The following CEP112 variants were observed in gnomAD, a reference collection of about 807,000 sequenced individuals.
The protein encoded by CEP112 is centrosomal protein 112.
A neutral mutation model predicts 153.0 loss-of-function variants in CEP112; 127 were observed. The observed-to-expected ratio is 0.83, with a 90% CI of 0.72 to 0.96. The LOEUF is 0.96. CEP112 is among the 40% of genes least tolerant of loss of function. The pLI is 0.00. For missense variants in CEP112, 1,089 were observed against 1,101.2 expected (o/e 0.99, Z 0.16); for synonymous variants, 358 against 374.4 (o/e 0.96, Z 0.51).
At chr17:66,109,846 G>A (rs996513876) in intron 6 of CEP112, among the ~76,000 whole-genome samples, 1 of 152,110 alleles carries the variant, frequency 6.6e-6, no homozygotes, top group African/African-American at 2.4e-5. Context: ...TCAAGGTGGG[G>A]CAATTGGCAA....
intron 21 of CEP112, among the ~76,000 whole-genome samples, chr17:65,788,716 A>G (rs2054419931): frequency 6.6e-6 from 1 of 152,150 alleles, no homozygotes; most frequent in African/African-American, 2.4e-5. Flanking sequence ...CTCAATCAGC[A>G]GTCATTTTTC....
intron 17 of CEP112, among the ~76,000 whole-genome samples, chr17:65,988,183 C>A (rs2063472352): frequency 6.6e-6 from 1 of 152,134 alleles, no homozygotes; most frequent in Non-Finnish European, 1.5e-5. Flanking sequence ...TAGAACCAAG[C>A]AAAACCTGGG....
At chr17:66,097,440 C>A (rs2068394630) in intron 6 of CEP112, among the ~76,000 whole-genome samples, 1 of 152,118 alleles carries the variant, frequency 6.6e-6, no homozygotes, top group African/African-American at 2.4e-5. Flanking sequence ...ACCATGACTG[C>A]CCTGTTCACC....
intron 24 of CEP112, among the ~76,000 whole-genome samples, chr17:65,641,725 GAC>G (rs1198103413): frequency 1.3e-5 from 2 of 152,146 alleles, no homozygotes; most frequent in East Asian, 3.9e-4. Context: ...CAGTCTGGGT[GAC>G]AGAGTAAGAC....
intron 19 of CEP112, among the ~76,000 whole-genome samples, chr17:65,905,591 A>G (rs1158353731): frequency 6.6e-6 from 1 of 152,206 alleles, no homozygotes; most frequent in African/African-American, 2.4e-5. Flanking sequence ...CCACAATCCC[A>G]TTACTGGGTA....
chr17:66,058,155 T>C (rs2066776976), intron 11 of CEP112, among the ~76,000 whole-genome samples: 1 of 114,554 alleles, frequency 8.7e-6, no homozygotes, highest in Non-Finnish European at 1.9e-5. Flanking sequence ...ATTGTATAAC[T>C]AGAAAAAAAA....
intron 18 of CEP112, among the ~76,000 whole-genome samples, chr17:65,937,566 T>G (rs1319882871): frequency 3.1e-4 from 14 of 45,060 alleles, no homozygotes; most frequent in Non-Finnish European, 3.2e-4. Context: ...GGGAGGGAGG[T>G]GGGGGGGGTC....
At chr17:66,031,553 G>A (rs576800726) in intron 12 of CEP112, among the ~76,000 whole-genome samples, 3 of 148,206 alleles carry the variant, frequency 2.0e-5, no homozygotes, top group Non-Finnish European at 4.4e-5. Flanking sequence ...CAACCTCCCA[G>A]GCTCAGGTGA....
At chr17:66,050,822 CTAG>C (rs1393462918) in intron 12 of CEP112, among the ~76,000 whole-genome samples, 2 of 152,084 alleles carry the variant, frequency 1.3e-5, no homozygotes, top group Non-Finnish European at 2.9e-5. Flanking sequence ...CTTGAGCCTG[CTAG>C]ATCAATTTCA....
chr17:65,638,947 C>CATT (rs1325916364), intron 25 of CEP112, among the ~76,000 whole-genome samples: 2 of 152,076 alleles, frequency 1.3e-5, no homozygotes, highest in Non-Finnish European at 2.9e-5. Flanking sequence ...TCAGGTCCTA[C>CATT]ATAGCTGACA....
chr17:66,183,379 A>T lies in CEP112; in HGVS notation c.-8-72T>A, dbSNP rs1227650287. ...ACTACAAAACTCTGATGAGAAAGAT[A>T]AAAAAAACTCTTAAGTGTTAGATAT... is the stretch of plus-strand genomic sequence containing the variant. On this transcript the variant is annotated intron_variant, in intron 1 of 26. Coordinates refer to ENST00000535342, the MANE Select transcript of CEP112 (RefSeq NM_001199165.4). 5 of 1,058,050 alleles carry T rather than the reference A, an allele frequency of 4.7e-6. No homozygotes were observed. In the East Asian group the frequency reaches 1.0e-4, roughly 21 times the overall value. The allele number at this position is 1,058,050 out of a possible 1,614,324, so 65.5% of individuals were successfully genotyped here. A position where few individuals can be genotyped will look rare whatever the true frequency, so the allele number is the denominator to read the frequency against.
intron 4 of CEP112, among the ~76,000 whole-genome samples, chr17:66,162,638 GT>G (rs2071761673): frequency 6.6e-6 from 1 of 152,172 alleles, no homozygotes; most frequent in Non-Finnish European, 1.5e-5. Flanking sequence ...ACAACATAAT[GT>G]TGAGCAAAAG....
rs1042822773 is a variant in CEP112 at position 65,921,020 on chromosome 17, CT to C, written c.1980+6561del. 1.3e-3 allele frequency among the ~76,000 whole-genome samples: 196 copies of C among 147,512 alleles called. 1 individual carries two copies. The highest frequency in any genetic ancestry group is 3.8e-3 in the African/African-American group (153 of 40,434). On this transcript the variant is annotated intron_variant, in intron 19 of 26. Coordinates refer to ENST00000535342, the MANE Select transcript of CEP112 (RefSeq NM_001199165.4). ...ACTCTAAGCATTGGGAAACTTTAAA[CT>C]TTTTTTTTTTAATCCCTTATCATCC...
At chr17:66,056,468 A>C (rs1490007742) in intron 11 of CEP112, among the ~76,000 whole-genome samples, 1 of 152,218 alleles carries the variant, frequency 6.6e-6, no homozygotes, top group African/African-American at 2.4e-5. Context: ...GATATCCAAA[A>C]AGTGGAGTCA....
chr17:65,759,569 G>A (rs1734235515), intron 21 of CEP112, among the ~76,000 whole-genome samples: 1 of 152,040 alleles, frequency 6.6e-6, no homozygotes, highest in Non-Finnish European at 1.5e-5. Context: ...CAAAATAAAT[G>A]TGCAAATTTG....
At chr17:66,046,320 G>A (rs1327890062) in intron 12 of CEP112, among the ~76,000 whole-genome samples, 1 of 152,116 alleles carries the variant, frequency 6.6e-6, no homozygotes, top group Non-Finnish European at 1.5e-5. Context: ...GGGATTATAG[G>A]CGTGAGCCAC....
Position 65,689,465 on chromosome 17 carries a change from A to G in CEP112, c.2608-247T>C, listed in dbSNP as rs187285458. On this transcript the variant is annotated intron_variant, in intron 23 of 26. Coordinates refer to ENST00000535342, the MANE Select transcript of CEP112 (RefSeq NM_001199165.4). ...TGGCAGATGTCAATCATATATTAAA[A>G]TGTCTCATATTCCCAGCACAGAACC... Among the ~76,000 whole-genome samples the G allele has an allele frequency of 1.8e-3, 280 of 152,308 alleles. 1 individual carries two copies. Among genetic ancestry groups the G allele is most frequent in the Admixed American group, 4.0e-3 (61 of 15,298 alleles).
intron 21 of CEP112, among the ~76,000 whole-genome samples, chr17:65,803,612 C>T (rs529827541): frequency 6.6e-6 from 1 of 152,292 alleles, no homozygotes; most frequent in South Asian, 2.1e-4. Context: ...TAAATGACTG[C>T]ACTATGTAAT....
chr17:66,066,142 G>C (rs985460224), intron 10 of CEP112, among the ~76,000 whole-genome samples: 2 of 152,084 alleles, frequency 1.3e-5, no homozygotes, highest in African/African-American at 4.8e-5. Context: ...TATTGATGTA[G>C]ATGTTTCGAC....
Sources: allele counts gnomAD v4.1 joint callset (sites outside exome capture counted in the v4.1 genomes callset), GRCh38; gene constraint gnomAD v4.1.1; transcripts MANE v1.5; gene names NCBI Gene and HGNC (gene_info 2026-07-23, HGNC 2026-07-21).